The following ALK variants were observed in gnomAD, a reference collection of about 807,000 sequenced individuals.
ALK encodes the protein ALK receptor tyrosine kinase, also known as ALK tyrosine kinase receptor.
A neutral mutation model predicts 163.1 loss-of-function variants in ALK; 74 were observed. That is an observed-to-expected ratio of 0.45 (90% CI 0.38 to 0.55). The LOEUF is 0.55. Among genes scored for constraint, ALK ranks in the 20% least tolerant of loss-of-function variants. The pLI is 0.00. For synonymous variants in ALK, 960 were observed against 843.2 expected (o/e 1.14, Z -2.40); for missense variants, 2,063 against 2,105.3 (o/e 0.98, Z 0.39).
chr2:29,572,556 G>T (rs1307488084), intron 3 of ALK, among the ~76,000 whole-genome samples: 3 of 152,092 alleles, frequency 2.0e-5, no homozygotes, highest in Non-Finnish European at 4.4e-5. Context: ...CATCCCCTTT[G>T]TGGCGCCTAT....
intron 13 of ALK, among the ~76,000 whole-genome samples, 184 bp downstream of exon 13, chr2:29,239,496 G>C (rs1332056426): frequency 6.6e-6 from 1 of 152,116 alleles, no homozygotes; most frequent in Non-Finnish European, 1.5e-5. Context: ...CCTCCCCCTA[G>C]CACAGGCAAG....
At chr2:29,380,082 A>G (rs1036383213) in intron 5 of ALK, among the ~76,000 whole-genome samples, 5 of 151,100 alleles carry the variant, frequency 3.3e-5, no homozygotes, top group Non-Finnish European at 5.9e-5. Context: ...GGAGGAAAAG[A>G]GCAATGAGGA....
chr2:29,752,538 CG>C (rs1179817190), intron 1 of ALK, among the ~76,000 whole-genome samples: 1 of 151,428 alleles, frequency 6.6e-6, no homozygotes, highest in Non-Finnish European at 1.5e-5. Context: ...TTAGTAGAGA[CG>C]GGGTTTCACC....
chr2:29,269,808 C>G (rs930998394), intron 11 of ALK, among the ~76,000 whole-genome samples: 3 of 152,196 alleles, frequency 2.0e-5, no homozygotes, highest in Non-Finnish European at 4.4e-5. Flanking sequence ...CAGTCCCCCC[C>G]CAGCTGAATG....
At position 29,335,935 on chromosome 2, in the gene ALK, G is replaced by A. The variant is rs192725840; in HGVS notation, c.1283-7454C>T. On this transcript the variant is annotated intron_variant, in intron 5 of 28. Transcript: ENST00000389048. Reference sequence around the variant, plus strand: ...GACACCTGTAATCACAGCTACTTGGGAGGGCTGAGGCAGGAGATCCCTTGA... The same window carrying A: ...GACACCTGTAATCACAGCTACTTGGAAGGGCTGAGGCAGGAGATCCCTTGA... Among the ~76,000 whole-genome samples, 7 of 152,230 alleles carry A rather than the reference G, an allele frequency of 4.6e-5. No homozygotes were observed. In the East Asian group the frequency reaches 7.7e-4, roughly 17 times the overall value.
At chr2:29,236,804 G>A (rs924061501) in intron 13 of ALK, among the ~76,000 whole-genome samples, 26 of 151,962 alleles carry the variant, frequency 1.7e-4, no homozygotes, top group Non-Finnish European at 2.4e-4. Context: ...TTCTCTATCC[G>A]TATTGCATCC....
intron 5 of ALK, among the ~76,000 whole-genome samples, chr2:29,370,130 C>T (rs1001757787): frequency 6.6e-6 from 1 of 152,186 alleles, no homozygotes; most frequent in African/African-American, 2.4e-5. Context: ...TTCTTCCTGT[C>T]ACTTTCTGCT....
rs545431324 is a variant in ALK at position 29,647,147 on chromosome 2, G to T, written c.952+47703C>A. Among the ~76,000 whole-genome samples the T allele has an allele frequency of 1.1e-4, 17 of 152,250 alleles. No individual in the cohort carries two copies. In the South Asian group the frequency reaches 2.1e-3, roughly 19 times the overall value. ...GGCAAAATCAGTTTTGAATACAACT[G>T]CTCCTAGTAATGGAAGTTACGTTAG... On this transcript the variant is annotated intron_variant, in intron 3 of 28. Transcript: ENST00000389048.
chr2:29,383,064 T>C (rs932609992), intron 5 of ALK, among the ~76,000 whole-genome samples: 2 of 152,076 alleles, frequency 1.3e-5, no homozygotes, highest in African/African-American at 2.4e-5. Context: ...TATTCAGGAA[T>C]AGCCTAAATT....
intron 11 of ALK, among the ~76,000 whole-genome samples, chr2:29,251,652 C>T (rs1664818616): frequency 6.6e-6 from 1 of 152,210 alleles, no homozygotes; most frequent in Non-Finnish European, 1.5e-5. Flanking sequence ...CAGGCGTAGG[C>T]AGTAGCTGGG....
intron 3 of ALK, among the ~76,000 whole-genome samples, chr2:29,543,880 T>C (rs1673480621): frequency 6.6e-6 from 1 of 152,202 alleles, no homozygotes; most frequent in South Asian, 2.1e-4. Context: ...ATAACTTCAG[T>C]GGGATCTTAA....
At position 29,694,918 on chromosome 2, in the gene ALK, G is replaced by A. The variant is rs754823963; in HGVS notation, c.884C>T (p.Ser295Phe). The A allele has an allele frequency of 6.2e-7, 1 of 1,614,136 alleles. No individual in the cohort carries two copies. The highest frequency in any genetic ancestry group is 1.7e-5 in the Admixed American group (1 of 60,026). Residue 295 changes from serine to phenylalanine, a missense_variant, in exon 3 of 29, where the codon TCC (serine) becomes TTC (phenylalanine). Coordinates refer to ENST00000389048, the MANE Select transcript of ALK (RefSeq NM_004304.5). ...NQSWSWRRIPSEEASQMDLLD... is the reference protein window; with the variant it reads ...NQSWSWRRIPFEEASQMDLLD... Reference sequence around the variant, plus strand: ...CAAGTCCATCTGGGAGGCCTCCTCGGAGGGGATGCGGCGCCAGGACCAGCT... The same window carrying A: ...CAAGTCCATCTGGGAGGCCTCCTCGAAGGGGATGCGGCGCCAGGACCAGCT...
chr2:29,574,298 T>A (rs1270249091), intron 3 of ALK, among the ~76,000 whole-genome samples: 1 of 152,168 alleles, frequency 6.6e-6, no homozygotes. Context: ...CACTTCTCCA[T>A]CCACCTTCCA....
At chr2:29,440,004 G>C (rs1008227089) in intron 4 of ALK, among the ~76,000 whole-genome samples, 1 of 152,150 alleles carries the variant, frequency 6.6e-6, no homozygotes, top group Non-Finnish European at 1.5e-5. Context: ...GGCCAAGGCA[G>C]GAGGATCACC....
intron 1 of ALK, among the ~76,000 whole-genome samples, chr2:29,723,460 T>C (rs1402648501): frequency 6.6e-6 from 1 of 152,218 alleles, no homozygotes; most frequent in Non-Finnish European, 1.5e-5. Context: ...CACATATATG[T>C]GTTCTGTATA....
chr2:29,311,056 G>T (rs1666681120), intron 8 of ALK, among the ~76,000 whole-genome samples: 1 of 152,222 alleles, frequency 6.6e-6, no homozygotes, highest in Non-Finnish European at 1.5e-5. Context: ...CTAACACAAA[G>T]TTGCGGATGC....
intron 1 of ALK, among the ~76,000 whole-genome samples, chr2:29,832,418 C>A (rs191218566): frequency 5.3e-5 from 8 of 152,094 alleles, no homozygotes; most frequent in African/African-American, 9.7e-5. Context: ...TTCAAAGGGG[C>A]AAACCGATGC....
intron 9 of ALK, among the ~76,000 whole-genome samples, chr2:29,276,104 A>G (rs1325118672): frequency 1.3e-5 from 2 of 152,120 alleles, no homozygotes; most frequent in African/African-American, 2.4e-5. Flanking sequence ...TCAATTTCCC[A>G]ATTAACCAGC....
chr2:29,539,494 A>G (rs192184720), intron 3 of ALK, among the ~76,000 whole-genome samples: 84 of 152,248 alleles, frequency 5.5e-4, no homozygotes, highest in Non-Finnish European at 2.9e-5. Context: ...TCTACAGACA[A>G]TTATTGTTTT....
Sources: allele counts gnomAD v4.1 joint callset (sites outside exome capture counted in the v4.1 genomes callset), GRCh38; gene constraint gnomAD v4.1.1; transcripts MANE v1.5; gene names NCBI Gene and HGNC (gene_info 2026-07-23, HGNC 2026-07-21).